The following SEPTIN10 variants were observed in gnomAD, a reference collection of about 807,000 sequenced individuals.
SEPTIN10 encodes septin-10.
Under a neutral mutation model 54.8 loss-of-function variants are expected in SEPTIN10, and 66 were observed. The observed-to-expected ratio is 1.21, with a 90% CI of 0.99 to 1.48. The LOEUF is 1.48. Ranked by LOEUF, SEPTIN10 falls within the 40% of genes most tolerant of loss-of-function variation. The pLI is 0.00. For missense variants in SEPTIN10, 620 were observed against 545.6 expected (o/e 1.14, Z -1.36); for synonymous variants, 161 against 181.0 (o/e 0.89, Z 0.89).
At chr2:109,599,944 A>G (rs1034675627) in intron 1 of SEPTIN10, among the ~76,000 whole-genome samples, 3 of 152,188 alleles carry the variant, frequency 2.0e-5, no homozygotes, top group African/African-American at 7.2e-5. Context: ...ACTTCCTCTC[A>G]TGGCAGCCAA....
At chr2:109,575,449 A>G (rs1011924312) in intron 4 of SEPTIN10, among the ~76,000 whole-genome samples, 2 of 152,234 alleles carry the variant, frequency 1.3e-5, no homozygotes, top group African/African-American at 4.8e-5. Flanking sequence ...TAAACAAAGG[A>G]AAGGCCAATT....
intron 2 of SEPTIN10, among the ~76,000 whole-genome samples, chr2:109,588,365 T>C (rs1290366257): frequency 6.6e-6 from 1 of 151,890 alleles, no homozygotes; most frequent in Non-Finnish European, 1.5e-5. Context: ...AAAATACAAA[T>C]GTTTAAAGCA....
intron 1 of SEPTIN10, among the ~76,000 whole-genome samples, chr2:109,600,307 A>G (rs1573818720): frequency 6.6e-6 from 1 of 152,024 alleles, no homozygotes; most frequent in African/African-American, 2.4e-5. Flanking sequence ...CACAGGCAAT[A>G]CTACCCCTGC....
chr2:109,595,625 A>C (rs1391501767), intron 1 of SEPTIN10, among the ~76,000 whole-genome samples: 1 of 152,224 alleles, frequency 6.6e-6, no homozygotes, highest in Non-Finnish European at 1.5e-5. Context: ...AAAGAGGTAT[A>C]AATCTAGATG....
intron 9 of SEPTIN10, among the ~76,000 whole-genome samples, chr2:109,547,201 T>C (rs2104578520): frequency 6.6e-6 from 1 of 152,300 alleles, no homozygotes; most frequent in Admixed American, 6.5e-5. Flanking sequence ...TCCTCCAAGT[T>C]GCTGCCTCTA....
At chr2:109,580,355 A>C (rs979573000) in intron 4 of SEPTIN10, among the ~76,000 whole-genome samples, 3 of 151,810 alleles carry the variant, frequency 2.0e-5, no homozygotes, top group African/African-American at 7.2e-5. Flanking sequence ...AATGCAAAAA[A>C]AAAAAAAAAA....
intron 4 of SEPTIN10, among the ~76,000 whole-genome samples, chr2:109,576,837 A>G (rs1236415976): frequency 6.6e-6 from 1 of 152,236 alleles, no homozygotes; most frequent in Non-Finnish European, 1.5e-5. Context: ...AAAGACACAG[A>G]AGATATAATG....
At chr2:109,577,190 CAG>C (rs1299376300) in intron 4 of SEPTIN10, among the ~76,000 whole-genome samples, 2 of 152,252 alleles carry the variant, frequency 1.3e-5, no homozygotes, top group African/African-American at 4.8e-5. Flanking sequence ...ACTGGCAACC[CAG>C]AATTGTACAT....
At chr2:109,571,825 C>T (rs1558778650) in intron 5 of SEPTIN10, among the ~76,000 whole-genome samples, 1 of 152,162 alleles carries the variant, frequency 6.6e-6, no homozygotes. Flanking sequence ...TGAACAAGTG[C>T]TCATTAGCTC....
intron 1 of SEPTIN10, among the ~76,000 whole-genome samples, chr2:109,604,383 A>AAGGGAAGGGGAGGGGAGGGG (rs1553449684): frequency 1.6e-5 from 1 of 64,368 alleles, no homozygotes; most frequent in Non-Finnish European, 2.7e-5. Flanking sequence ...AAGGGAAGGG[A>AAGGGAAGGGGAGGGGAGGGG]AGGGGAGGGG....
intron 1 of SEPTIN10, among the ~76,000 whole-genome samples, chr2:109,608,835 G>T (rs1264077922): frequency 6.6e-6 from 1 of 152,118 alleles, no homozygotes; most frequent in African/African-American, 2.4e-5. Flanking sequence ...ATTATCAGAA[G>T]AAAGTGTAAG....
At chr2:109,585,012 G>A in intron 4 of SEPTIN10, 114 bp downstream of exon 4, 1 of 480,650 alleles carries the variant, frequency 2.1e-6, no homozygotes, top group Non-Finnish European at 3.6e-6. Context: ...AACAATGTGT[G>A]GAAGGAAAGG....
intron 1 of SEPTIN10, among the ~76,000 whole-genome samples, chr2:109,606,517 A>G (rs1192096611): frequency 1.3e-5 from 2 of 152,214 alleles, no homozygotes; most frequent in African/African-American, 4.8e-5. Flanking sequence ...TAGTGGACAT[A>G]GTTATAGCCA....
At chr2:109,557,449 G>A (rs1274438325) in intron 8 of SEPTIN10, among the ~76,000 whole-genome samples, 1 of 152,132 alleles carries the variant, frequency 6.6e-6, no homozygotes, top group African/African-American at 2.4e-5. Context: ...AGAGTAATCT[G>A]CCCAAAGAAA....
intron 7 of SEPTIN10, among the ~76,000 whole-genome samples, 185 bp downstream of exon 7, chr2:109,565,578 G>C (rs1183293766): frequency 6.6e-6 from 1 of 152,096 alleles, no homozygotes; most frequent in Non-Finnish European, 1.5e-5. Context: ...GGGGTAATGT[G>C]TGTGTGGCAT....
At chr2:109,596,336 C>A (rs905941966) in intron 1 of SEPTIN10, among the ~76,000 whole-genome samples, 2 of 152,086 alleles carry the variant, frequency 1.3e-5, no homozygotes. Context: ...AGGCTTTAGG[C>A]CAGGCATGGT....
At chr2:109,564,661 T>A in intron 7 of SEPTIN10, 127 bp from the exon 8 acceptor site, 1 of 765,856 alleles carries the variant, frequency 1.3e-6, no homozygotes, top group Non-Finnish European at 1.9e-6. Context: ...TCAGTTTGAT[T>A]AACAGCTACG....
At chr2:109,584,182 A>T (rs1691885184) in intron 4 of SEPTIN10, among the ~76,000 whole-genome samples, 1 of 152,210 alleles carries the variant, frequency 6.6e-6, no homozygotes, top group South Asian at 2.1e-4. Context: ...ATTACTTACA[A>T]AAATGGAAAT....
chr2:109,596,374 T>C (rs1344090202), intron 1 of SEPTIN10, among the ~76,000 whole-genome samples: 9 of 152,052 alleles, frequency 5.9e-5, no homozygotes, highest in African/African-American at 2.2e-4. Context: ...TTCCAGCAGT[T>C]TGGGAGGCCG....
Sources: allele counts gnomAD v4.1 joint callset (sites outside exome capture counted in the v4.1 genomes callset), GRCh38; gene constraint gnomAD v4.1.1; transcripts MANE v1.5; gene names NCBI Gene and HGNC (gene_info 2026-07-23, HGNC 2026-07-21).